DPP10: variants seen among roughly 807,000 people sequenced by gnomAD.
DPP10 encodes dipeptidyl peptidase like 10.
A neutral mutation model predicts 120.9 loss-of-function variants in DPP10; 33 were observed. That is an observed-to-expected ratio of 0.27 (90% CI 0.21 to 0.37). DPP10 has a LOEUF of 0.37. Ranked by LOEUF, DPP10 falls within the 10% of genes least tolerant of loss-of-function variation. The pLI is 1.00. For missense variants in DPP10, 816 were observed against 942.8 expected (o/e 0.87, Z 1.76); for synonymous variants, 337 against 326.1 (o/e 1.03, Z -0.36).
intron 3 of DPP10, among the ~76,000 whole-genome samples, chr2:115,424,911 G>A (rs1015158142): frequency 6.6e-6 from 1 of 152,182 alleles, no homozygotes; most frequent in Non-Finnish European, 1.5e-5. Flanking sequence ...ATTGTGTTGA[G>A]TCTGCACTAA....
At chr2:114,478,068 T>C (rs1680678788) in intron 1 of DPP10, among the ~76,000 whole-genome samples, 1 of 151,906 alleles carries the variant, frequency 6.6e-6, no homozygotes, top group African/African-American at 2.4e-5. Context: ...AAAATACTGC[T>C]GCTACTCAAT....
At chr2:114,841,501 G>A (rs989007617) in intron 1 of DPP10, among the ~76,000 whole-genome samples, 24 of 152,164 alleles carry the variant, frequency 1.6e-4, no homozygotes, top group African/African-American at 5.8e-4. Context: ...ATGAAACTGA[G>A]TGATTTCAAA....
intron 1 of DPP10, among the ~76,000 whole-genome samples, chr2:114,805,939 C>T (rs568300870): frequency 2.0e-5 from 3 of 152,282 alleles, no homozygotes; most frequent in South Asian, 2.1e-4. Flanking sequence ...AAACTGGAGA[C>T]TTTTGGTGGA....
At chr2:115,235,806 C>A (rs2057971084) in intron 1 of DPP10, among the ~76,000 whole-genome samples, 1 of 152,128 alleles carries the variant, frequency 6.6e-6, no homozygotes, top group Non-Finnish European at 1.5e-5. Flanking sequence ...GGTGATCCAC[C>A]CACCTTGGCC....
At chr2:114,738,019 G>A (rs1051273466) in intron 1 of DPP10, among the ~76,000 whole-genome samples, 10 of 152,284 alleles carry the variant, frequency 6.6e-5, no homozygotes, top group Admixed American at 2.0e-4. Context: ...CAATCATGAC[G>A]GAAGGTGAAG....
At chr2:114,476,922 A>G (rs145494007) in intron 1 of DPP10, among the ~76,000 whole-genome samples, 5 of 152,202 alleles carry the variant, frequency 3.3e-5, no homozygotes. Context: ...GACTTCTGAC[A>G]TCATAGATTA....
intron 1 of DPP10, among the ~76,000 whole-genome samples, chr2:115,252,213 CTA>C (rs2058786219): frequency 6.6e-6 from 1 of 152,108 alleles, no homozygotes; most frequent in Admixed American, 6.6e-5. Context: ...AATTTCATGA[CTA>C]ATTCTAATTT....
At chr2:114,556,270 G>GT (rs1688307723) in intron 1 of DPP10, among the ~76,000 whole-genome samples, 1 of 65,452 alleles carries the variant, frequency 1.5e-5, no homozygotes, top group African/African-American at 5.9e-5. Context: ...TATATATATA[G>GT]GCAAATAATA....
chr2:115,411,768 A>T (rs1429611640), intron 3 of DPP10, among the ~76,000 whole-genome samples: 1 of 152,190 alleles, frequency 6.6e-6, no homozygotes, highest in Non-Finnish European at 1.5e-5. Context: ...TGCAACTATT[A>T]TCTTCTTGGG....
chr2:114,454,949 G>A (rs145004281), intron 1 of DPP10, among the ~76,000 whole-genome samples: 27 of 152,236 alleles, frequency 1.8e-4, no homozygotes, highest in African/African-American at 5.3e-4. Flanking sequence ...CGGAATGAAG[G>A]CTCAAAAAGA....
intron 1 of DPP10, among the ~76,000 whole-genome samples, chr2:114,732,298 A>G (rs1676997757): frequency 6.6e-6 from 1 of 152,246 alleles, no homozygotes; most frequent in African/African-American, 2.4e-5. Context: ...CATATGGAGC[A>G]TGCAAAGAGG....
At position 115,689,840 on chromosome 2, in the gene DPP10, G is replaced by A. The variant is rs1261715098; in HGVS notation, c.495G>A (p.Arg165=). 1 of 1,613,656 alleles carries A rather than the reference G, an allele frequency of 6.2e-7. No individual in the cohort carries two copies. The highest frequency in any genetic ancestry group is 1.7e-5 in the Admixed American group (1 of 59,862). ...ASYVIYNIHT[R]EVWELNPPEV... ...GTAAAAATATTCACATTTTTTCAAG[G>A]GAAGTTTGGGAGTTAAATCCTCCAG... The change falls in exon 7 of 26, where the codon AGG becomes AGA. Residue 165 remains arginine, a splice_region_variant and synonymous_variant. Transcript: ENST00000410059.
chr2:115,672,621 C>CCTCT (rs2089958902), intron 5 of DPP10, among the ~76,000 whole-genome samples: 1 of 145,560 alleles, frequency 6.9e-6, no homozygotes, highest in Non-Finnish European at 1.5e-5. Flanking sequence ...CATGGCGCCC[C>CCTCT]TTCTTTCTTT....
At chr2:114,935,391 A>G (rs1696387078) in intron 1 of DPP10, among the ~76,000 whole-genome samples, 2 of 152,094 alleles carry the variant, frequency 1.3e-5, no homozygotes. Flanking sequence ...TTTCTGTAGG[A>G]CCTAATGTGC....
Position 115,789,191 on chromosome 2 carries a change from C to CA in DPP10, c.1532-1882dup, listed in dbSNP as rs548158084. The stretch of plus-strand genomic sequence containing the variant: ...AATCCAGACATATATATTAAGAGGA[C>CA]AAAAAAAAGATCAAATTTTCTCATG... On this transcript the variant is annotated intron_variant, in intron 17 of 25. Transcript: ENST00000410059. 9.9e-5 allele frequency among the ~76,000 whole-genome samples: 15 copies of CA among 151,482 alleles called. No individual in the cohort carries two copies. In the South Asian group the frequency reaches 1.7e-3, roughly 17 times the overall value.
At chr2:114,732,777 C>A (rs1008086938) in intron 1 of DPP10, among the ~76,000 whole-genome samples, 2 of 152,038 alleles carry the variant, frequency 1.3e-5, no homozygotes, top group Non-Finnish European at 2.9e-5. Context: ...TTACTATATG[C>A]CAAGCATTTT....
chr2:114,685,774 C>G (rs544229356), intron 1 of DPP10, among the ~76,000 whole-genome samples: 2 of 152,048 alleles, frequency 1.3e-5, no homozygotes, highest in Non-Finnish European at 1.5e-5. Flanking sequence ...GCTCTGTCCT[C>G]TCCATCACTT....
At chr2:115,348,809 C>G (rs2063843752) in intron 3 of DPP10, among the ~76,000 whole-genome samples, 1 of 152,200 alleles carries the variant, frequency 6.6e-6, no homozygotes, top group Non-Finnish European at 1.5e-5. Context: ...CCTTTACTCA[C>G]CCCATGAGTT....
chr2:115,591,861 G>C (rs184122823), intron 5 of DPP10, among the ~76,000 whole-genome samples: 1 of 152,230 alleles, frequency 6.6e-6, no homozygotes, highest in African/African-American at 2.4e-5. Flanking sequence ...TCCTTGAAGA[G>C]GTCCTTCACA....
Sources: gnomAD v4.1 joint callset for allele counts (sites outside exome capture counted in the v4.1 genomes callset) on GRCh38, gnomAD v4.1.1 for gene constraint, MANE v1.5 for transcripts, NCBI Gene and HGNC (gene_info 2026-07-23, HGNC 2026-07-21) for gene names.